Variants in RB1CC1 observed in about 807,000 individuals in gnomAD.
The protein encoded by RB1CC1 is RB1 inducible coiled-coil 1.
Under a neutral mutation model 177.5 loss-of-function variants are expected in RB1CC1, and 46 were observed. That is an observed-to-expected ratio of 0.26 (90% CI 0.20 to 0.33). The LOEUF (loss-of-function observed/expected upper bound fraction) is 0.33, where lower values mean the gene tolerates loss of function less well. Among genes scored for constraint, RB1CC1 ranks in the 10% least tolerant of loss-of-function variants. The pLI, the probability that RB1CC1 is intolerant of heterozygous loss-of-function variation, is 1.00. For missense variants in RB1CC1, 1,703 were observed against 1,816.3 expected (o/e 0.94, Z 1.13); for synonymous variants, 666 against 613.6 (o/e 1.09, Z -1.26).
At chr8:52,625,723 G>A (rs1848341001) in intron 22 of RB1CC1, among the ~76,000 whole-genome samples, 1 of 152,150 alleles carries the variant, frequency 6.6e-6, no homozygotes, top group Admixed American at 6.6e-5. Flanking sequence ...AATGTCTCAT[G>A]TAATTTATTG....
chr8:52,678,389 C>T (rs1366143141), intron 5 of RB1CC1, among the ~76,000 whole-genome samples: 5 of 152,098 alleles, frequency 3.3e-5, no homozygotes, highest in Non-Finnish European at 7.3e-5. Flanking sequence ...TGAATTCCAG[C>T]CTGGGTGGCA....
intron 1 of RB1CC1, among the ~76,000 whole-genome samples, chr8:52,698,731 A>G (rs994132359): frequency 2.1e-5 from 2 of 93,100 alleles, no homozygotes; most frequent in African/African-American, 8.7e-5. Context: ...TTTTTTTGAG[A>G]CAGAGTCTCG....
rs768877175 is a variant in RB1CC1 at position 52,656,021 on chromosome 8, G to C, written c.3808C>G (p.Gln1270Glu). 1 of 1,598,454 alleles carries C rather than the reference G, an allele frequency of 6.3e-7. No homozygotes were observed. Among genetic ancestry groups the C allele is most frequent in the South Asian group, 1.1e-5 (1 of 88,856 alleles). ...LLEKVKHLEN[Q>E]IAKSPAIDST... ...CTTAATTCTTACCTTTTTGCTATTTGATTCTCAAGATGTTTAACTTTTTCT... is the reference window on the plus strand; with the variant it reads ...CTTAATTCTTACCTTTTTGCTATTTCATTCTCAAGATGTTTAACTTTTTCT... Residue 1270 changes from glutamine to glutamate, a missense_variant, in exon 15 of 24, where the codon CAA becomes GAA. Physicochemically the swap from Gln to Glu is conservative, Grantham distance 29. Coordinates refer to ENST00000025008, the MANE Select transcript of RB1CC1 (RefSeq NM_014781.5).
rs1323464682 is a variant in RB1CC1 at position 52,649,884 on chromosome 8, AAT to A, written c.3822-4019_3822-4018del. ...ACATTTCAAAACTAATATAAACTTT[AAT>A]AATTCCAAATTAAATAGAAGATATT... is the stretch of plus-strand genomic sequence containing the variant. On this transcript the variant is annotated intron_variant, in intron 15 of 23. Transcript: ENST00000025008. 2.6e-5 allele frequency among the ~76,000 whole-genome samples: 4 copies of A among 152,314 alleles called. No homozygotes were observed. In the East Asian group the frequency reaches 7.7e-4, roughly 29 times the overall value.
intron 6 of RB1CC1, among the ~76,000 whole-genome samples, chr8:52,675,888 G>GA (rs1268855883): frequency 0.019 from 1,353 of 72,110 alleles, 20 homozygotes; most frequent in African/African-American, 0.047. Flanking sequence ...CTCCGTCTCA[G>GA]AAAAAAAAAA....
At position 52,657,811 on chromosome 8, in the gene RB1CC1, G is replaced by A; in HGVS notation, c.2018C>T (p.Pro673Leu). The A allele has an allele frequency of 6.2e-7, 1 of 1,613,944 alleles. No individual in the cohort carries two copies. ...TTTTSPRTPP[P>L]LTVQDPLCPA... Reference sequence around the variant, plus strand: ...ACATAAGGGATCCTGAACAGTCAGTGGTGGAGGAGTTCTCGGTGAGGTAGT... The same window carrying A: ...ACATAAGGGATCCTGAACAGTCAGTAGTGGAGGAGTTCTCGGTGAGGTAGT... The change falls in exon 15 of 24, where the codon CCA (proline) becomes CTA (leucine). Residue 673 changes from proline (P) to leucine (L), a missense_variant. Pro to Leu is a moderately conservative substitution (Grantham distance 98, BLOSUM62 -3). This residue lies in a region of RB1CC1 where 1,169 missense variants were observed against 1,184.7 expected (regional missense o/e 0.99). Coordinates refer to ENST00000025008, the MANE Select transcript of RB1CC1 (RefSeq NM_014781.5).
chr8:52,693,157 A>C (rs1855060163), intron 1 of RB1CC1, among the ~76,000 whole-genome samples: 1 of 152,248 alleles, frequency 6.6e-6, no homozygotes, highest in Non-Finnish European at 1.5e-5. Flanking sequence ...GTAAAACCCA[A>C]AACTATGAAA....
intron 16 of RB1CC1, among the ~76,000 whole-genome samples, chr8:52,643,911 T>C (rs1161962610): frequency 6.6e-6 from 1 of 151,888 alleles, no homozygotes; most frequent in Non-Finnish European, 1.5e-5. Context: ...ATACAGCATT[T>C]TTAATAAAAT....
intron 16 of RB1CC1, among the ~76,000 whole-genome samples, chr8:52,645,423 A>G (rs1849930999): frequency 6.6e-6 from 1 of 152,202 alleles, no homozygotes. Context: ...CAGAATTTAC[A>G]TTCCCTCGCT....
At chr8:52,711,637 G>T (rs1857070849) in intron 1 of RB1CC1, among the ~76,000 whole-genome samples, 1 of 152,200 alleles carries the variant, frequency 6.6e-6, no homozygotes, top group African/African-American at 2.4e-5. Context: ...AGGAATAAAT[G>T]AAGTGAATTT....
chr8:52,660,253 A>G (rs1458536315), intron 12 of RB1CC1, among the ~76,000 whole-genome samples: 1 of 152,046 alleles, frequency 6.6e-6, no homozygotes, highest in African/African-American at 2.4e-5. Flanking sequence ...GCTGTAAAGG[A>G]GGAGGGAGGG....
At chr8:52,642,306 G>A (rs769842183) in intron 18 of RB1CC1, 45 bp downstream of exon 18, 4 of 1,578,416 alleles carry the variant, frequency 2.5e-6, no homozygotes, top group Non-Finnish European at 3.5e-6. Context: ...TATAACTCAT[G>A]GAATTGCAAC....
intron 1 of RB1CC1, among the ~76,000 whole-genome samples, chr8:52,712,512 A>AC (rs1175721884): frequency 3.3e-5 from 5 of 151,784 alleles, no homozygotes; most frequent in Non-Finnish European, 7.4e-5. Flanking sequence ...AAAAAAAAAA[A>AC]AAAACTCAGG....
chr8:52,708,021 T>C (rs1389413468), intron 1 of RB1CC1, among the ~76,000 whole-genome samples: 1 of 152,212 alleles, frequency 6.6e-6, no homozygotes, highest in Non-Finnish European at 1.5e-5. Context: ...GTGCTAGGAA[T>C]ATACTAAAAG....
chr8:52,699,856 T>TATATAC (rs1554557196), intron 1 of RB1CC1, among the ~76,000 whole-genome samples: 5 of 86,916 alleles, frequency 5.8e-5, no homozygotes, highest in Admixed American at 1.3e-4. Context: ...TATATATATA[T>TATATAC]ATACACACAA....
chr8:52,652,645 C>T (rs1165480345), intron 15 of RB1CC1, among the ~76,000 whole-genome samples: 1 of 152,068 alleles, frequency 6.6e-6, no homozygotes, highest in Non-Finnish European at 1.5e-5. Flanking sequence ...AGTTAGAGAG[C>T]CACTGTTCTT....
intron 18 of RB1CC1, among the ~76,000 whole-genome samples, chr8:52,637,704 G>C (rs62499941): frequency 0.15 from 22,237 of 147,480 alleles, 2,136 homozygotes; most frequent in Non-Finnish European, 0.22. Flanking sequence ...TTTTGAGACA[G>C]AGTCTTGTTC....
intron 1 of RB1CC1, among the ~76,000 whole-genome samples, chr8:52,699,998 T>C (rs992511655): frequency 6.6e-6 from 1 of 151,580 alleles, no homozygotes; most frequent in African/African-American, 2.4e-5. Context: ...CAAAGAACCA[T>C]GTCTACTCTA....
At chr8:52,645,667 T>C in intron 16 of RB1CC1, 35 bp downstream of exon 16, 4 of 1,585,144 alleles carry the variant, frequency 2.5e-6, no homozygotes, top group Non-Finnish European at 2.6e-6. Context: ...CTACCTTCTT[T>C]AGTTCTCAAA....
Sources: gnomAD v4.1 joint callset for allele counts (sites outside exome capture counted in the v4.1 genomes callset) on GRCh38, gnomAD v4.1.1 for gene constraint, gnomAD v4.1.1 regional missense constraint, MANE v1.5 for transcripts, NCBI Gene and HGNC (gene_info 2026-07-23, HGNC 2026-07-21) for gene names.